The following ALMS1 variants were observed in gnomAD, a reference collection of about 807,000 sequenced individuals.
ALMS1 encodes the protein centrosome-associated protein ALMS1.
Under a neutral mutation model 352.2 loss-of-function variants are expected in ALMS1, and 271 were observed. The ratio of observed to expected loss-of-function variants is 0.77; its 90% CI spans 0.70 to 0.85. The LOEUF (loss-of-function observed/expected upper bound fraction) is 0.85. ALMS1 is among the 40% of genes least tolerant of loss of function. The pLI is 0.00. For synonymous variants in ALMS1, 1,865 were observed against 1,761.2 expected, an observed-to-expected ratio of 1.06 and a Z score of -1.48; for missense variants, 5,445 against 4,870.7, an observed-to-expected ratio of 1.12 and a Z score of -3.51.
At chr2:73,520,471 A>G (rs527847079) in intron 11 of ALMS1, among the ~76,000 whole-genome samples, 2 of 152,362 alleles carry the variant, frequency 1.3e-5, no homozygotes, top group South Asian at 2.1e-4. Context: ...ATAGCAGTTT[A>G]TCTCTTACTT....
At chr2:73,404,160 A>G (rs542102738) in intron 1 of ALMS1, among the ~76,000 whole-genome samples, 3 of 152,286 alleles carry the variant, frequency 2.0e-5, no homozygotes, top group South Asian at 2.1e-4. Context: ...TGGCCTCCCA[A>G]AGTGCTGGGA....
At chr2:73,506,436 ATTTG>A (rs1673328105) in intron 10 of ALMS1, among the ~76,000 whole-genome samples, 1 of 152,138 alleles carries the variant, frequency 6.6e-6, no homozygotes. Flanking sequence ...ATGTTTTTCC[ATTTG>A]TTTGTGTCCT....
At chr2:73,454,202 G>T in intron 8 of ALMS1, 135 bp downstream of exon 8, 3 of 1,474,262 alleles carry the variant, frequency 2.0e-6, no homozygotes, top group Non-Finnish European at 2.7e-6. Context: ...TAGATATTTG[G>T]AGTTCTAAAT....
At chr2:73,573,751 T>C (rs1639177462) in intron 16 of ALMS1, among the ~76,000 whole-genome samples, 1 of 105,372 alleles carries the variant, frequency 9.5e-6, no homozygotes, top group Non-Finnish European at 1.7e-5. Context: ...TATGTTTATT[T>C]GGGTTTTTTT....
chr2:73,540,498 G>A (rs987924444), intron 12 of ALMS1, among the ~76,000 whole-genome samples: 1 of 152,154 alleles, frequency 6.6e-6, no homozygotes, highest in African/African-American at 2.4e-5. Context: ...ACATCACGAT[G>A]ACAGGATCAA....
chr2:73,387,063 C>T (rs2103621358), intron 1 of ALMS1, among the ~76,000 whole-genome samples: 1 of 152,310 alleles, frequency 6.6e-6, no homozygotes, highest in Admixed American at 6.5e-5. Context: ...GCTCAGCAGC[C>T]ACACTAGGCT....
chr2:73,597,100 C>T (rs1477803953), intron 16 of ALMS1, among the ~76,000 whole-genome samples: 2 of 151,898 alleles, frequency 1.3e-5, no homozygotes, highest in Non-Finnish European at 2.9e-5. Flanking sequence ...CTGATGTCTC[C>T]CAGCAATGTT....
rs565436290 is a variant in ALMS1, at chr2:73,486,247, C to G, written c.7675-3387C>G. On this transcript the variant is annotated intron_variant, in intron 9 of 22. Transcript: ENST00000613296. ...GAGGTTTGCAAATATTTTCTTGTAA[C>G]CTGTAGCTGGGAGAGAGAGGGGCAT... is the stretch of plus-strand genomic sequence containing the variant. 2.6e-5 allele frequency among the ~76,000 whole-genome samples: 4 copies of G among 152,070 alleles called. No homozygotes were observed. The East Asian group carries it at 7.7e-4, about 29-fold the overall frequency.
rs376750978 is a variant in ALMS1 at position 73,424,791 on chromosome 2, A to T, written c.1126A>T (p.Thr376Ser). Reference protein sequence around the residue: ...QVSVATSFDITDENIATKRSD... With the variant: ...QVSVATSFDISDENIATKRSD... ...TTCAGTTGCAACTTCATTTGACATAACTGATGAAAACATAGCTACTAAAAG... is the reference window on the plus strand; with the variant it reads ...TTCAGTTGCAACTTCATTTGACATATCTGATGAAAACATAGCTACTAAAAG... Residue 376 changes from threonine to serine, a missense_variant, in exon 5 of 23, where the codon ACT becomes TCT. Physicochemically the swap from Thr to Ser is moderately conservative, Grantham distance 58. Transcript: ENST00000613296. The T allele has an allele frequency of 7.0e-5, 113 of 1,612,786 alleles. 2 individuals are homozygous for T. In the South Asian group the frequency reaches 9.2e-4, roughly 13 times the overall value.
At chr2:73,400,426 G>T (rs1412674224) in intron 1 of ALMS1, among the ~76,000 whole-genome samples, 1 of 152,138 alleles carries the variant, frequency 6.6e-6, no homozygotes, top group Non-Finnish European at 1.5e-5. Flanking sequence ...ATGTTTGTCT[G>T]GTATTGGCAG....
Position 73,449,771 on chromosome 2 carries a change from C to T in ALMS1, c.3244C>T (p.Pro1082Ser). 1 of 1,614,088 alleles carries T rather than the reference C, an allele frequency of 6.2e-7. No individual in the cohort carries two copies. Among genetic ancestry groups the T allele is most frequent in the Non-Finnish European group, 8.5e-7 (1 of 1,179,956 alleles). Reference sequence around the variant, plus strand: ...TCTGAAAGTTTCAGCCTTCCCTGGACCAGCTGACCAGATGACTGACACACC... The same window carrying T: ...TCTGAAAGTTTCAGCCTTCCCTGGATCAGCTGACCAGATGACTGACACACC... Reference protein sequence around the residue: ...ESLKVSAFPGPADQMTDTPAV... With the variant: ...ESLKVSAFPGSADQMTDTPAV... Residue 1082 changes from proline (P) to serine (S), a missense_variant, in exon 8 of 23, where the codon CCA becomes TCA. Physicochemically the swap from Pro to Ser is moderately conservative, Grantham distance 74. Transcript: ENST00000613296.
At chr2:73,520,578 G>A (rs1481316924) in intron 11 of ALMS1, among the ~76,000 whole-genome samples, 1 of 152,128 alleles carries the variant, frequency 6.6e-6, no homozygotes, top group Non-Finnish European at 1.5e-5. Flanking sequence ...ATGGTCAACA[G>A]GAAGGAACAA....
intron 9 of ALMS1, among the ~76,000 whole-genome samples, chr2:73,479,520 T>C (rs181266318): frequency 2.2e-4 from 33 of 152,348 alleles, no homozygotes; most frequent in South Asian, 8.3e-4. Flanking sequence ...AGCATACTTA[T>C]CTGGAGATTC....
intron 1 of ALMS1, among the ~76,000 whole-genome samples, chr2:73,396,469 C>T (rs191810734): frequency 1.9e-4 from 28 of 149,272 alleles, no homozygotes; most frequent in African/African-American, 5.9e-4. Flanking sequence ...GAAAGTATTC[C>T]TATTGGTTTT....
intron 12 of ALMS1, among the ~76,000 whole-genome samples, chr2:73,538,230 C>G (rs1674074394): frequency 6.6e-6 from 1 of 152,102 alleles, no homozygotes; most frequent in South Asian, 2.1e-4. Context: ...CAATCTGATT[C>G]ATAAATGGGC....
rs776497929 is a variant in ALMS1 at position 73,550,429 on chromosome 2, A to G, written c.10070A>G (p.Glu3357Gly). ...GTGGGAGAAAAACCCTTGCAGAATG[A>G]AAATGCAGGTAACTGGATTGGCTTT... ...LPVGEKPLQN[E>G]NADASVQVLI... The change falls in exon 13 of 23, where the codon GAA (glutamate) becomes GGA (glycine). Residue 3357 changes from glutamate (E) to glycine (G), a missense_variant. Physicochemically the swap from Glu to Gly is moderately conservative, Grantham distance 98. Transcript: ENST00000613296. 16 of 1,614,004 alleles carry G rather than the reference A, an allele frequency of 9.9e-6. 1 individual carries two copies. Among genetic ancestry groups the G allele is most frequent in the Non-Finnish European group, 1.4e-5 (16 of 1,179,984 alleles).
At chr2:73,583,287 G>A (rs983760161) in intron 16 of ALMS1, among the ~76,000 whole-genome samples, 2 of 151,360 alleles carry the variant, frequency 1.3e-5, no homozygotes, top group South Asian at 2.1e-4. Context: ...ATTGACCTCC[G>A]AAAGTGCTGG....
At chr2:73,516,120 A>T (rs914149480) in intron 10 of ALMS1, among the ~76,000 whole-genome samples, 2 of 152,214 alleles carry the variant, frequency 1.3e-5, no homozygotes, top group African/African-American at 4.8e-5. Context: ...AACCCTATTT[A>T]AAAAATGGGC....
At chr2:73,391,729 CTGTT>C (rs773536490) in intron 1 of ALMS1, among the ~76,000 whole-genome samples, 1 of 152,024 alleles carries the variant, frequency 6.6e-6, no homozygotes, top group Non-Finnish European at 1.5e-5. Context: ...AAATGTTTTT[CTGTT>C]TGTTTTTTGT....
Sources: gnomAD v4.1 joint callset for allele counts (sites outside exome capture counted in the v4.1 genomes callset) on GRCh38, gnomAD v4.1.1 for gene constraint, MANE v1.5 for transcripts, NCBI Gene and HGNC (gene_info 2026-07-23, HGNC 2026-07-21) for gene names.